The following KIF2A variants were observed in gnomAD, a reference collection of about 807,000 sequenced individuals.
KIF2A encodes kinesin family member 2A.
In KIF2A, 22 loss-of-function variants were observed where a neutral mutation model predicts 100.2. The ratio of observed to expected loss-of-function variants is 0.22; its 90% CI spans 0.16 to 0.31. The LOEUF is 0.31. Ranked by LOEUF, KIF2A falls within the 10% of genes least tolerant of loss-of-function variation. KIF2A has a pLI of 1.00. For synonymous variants in KIF2A, 268 were observed against 285.9 expected (o/e 0.94, Z 0.63); for missense variants, 495 against 898.7 (o/e 0.55, Z 5.74).
chr5:62,372,311 A>G (rs1580092298), intron 16 of KIF2A, 127 bp from the exon 17 acceptor site: 7 of 645,278 alleles, frequency 1.1e-5, no homozygotes, highest in African/African-American at 1.9e-5. Context: ...AATATTCTAA[A>G]TACATTGTCA....
At position 62,387,918 on chromosome 5, in the gene KIF2A, C is replaced by T. The variant is rs1742114340; in HGVS notation, c.*2349C>T. ...CTTTGTTAAATTAATTGGAAACACT[C>T]TTCTATTAAGTTAGGTATTAAAAAA... On this transcript the variant is annotated 3_prime_UTR_variant, in exon 21 of 21. Transcript: ENST00000407818. 1 of 151,914 alleles carries T rather than the reference C, an allele frequency of 6.6e-6. No individual in the cohort carries two copies. Among genetic ancestry groups the T allele is most frequent in the Non-Finnish European group, 1.5e-5 (1 of 67,964 alleles). The allele number at this position is 151,914 out of a possible 1,614,324, so 9.4% of individuals were successfully genotyped here.
Position 62,318,436 on chromosome 5 carries a change from TTG to T in KIF2A, c.64+11906_64+11907del, listed in dbSNP as rs1321286701. ...AAATTATTTTGGGATTATATATGGGTTGTGTGTTTATTTTTTAAATTATAGCT... is the reference window on the plus strand; with the variant it reads ...AAATTATTTTGGGATTATATATGGGTTGTGTTTATTTTTTAAATTATAGCT... On this transcript the variant is annotated intron_variant, in intron 1 of 20. Transcript: ENST00000407818. 9.9e-5 allele frequency among the ~76,000 whole-genome samples: 15 copies of T among 152,268 alleles called. No individual in the cohort carries two copies. In the South Asian group the frequency reaches 3.1e-3, roughly 32 times the overall value.
intron 19 of KIF2A, 42 bp downstream of exon 19, chr5:62,377,804 TA>T (rs1242835724): frequency 9.2e-7 from 1 of 1,082,410 alleles, no homozygotes; most frequent in East Asian, 2.6e-5. Flanking sequence ...TTTCTTGAGA[TA>T]AATTAAGAAT....
intron 1 of KIF2A, among the ~76,000 whole-genome samples, chr5:62,329,438 A>C (rs1235677468): frequency 6.6e-6 from 1 of 152,238 alleles, no homozygotes; most frequent in African/African-American, 2.4e-5. Flanking sequence ...CACAACCTGA[A>C]TATCAGAATT....
intron 1 of KIF2A, among the ~76,000 whole-genome samples, chr5:62,316,827 A>G (rs1283137325): frequency 6.6e-6 from 1 of 152,174 alleles, no homozygotes. Context: ...AGAGGATGCA[A>G]ACTTTAGGTG....
rs369005798 is a variant in KIF2A, at chr5:62,360,281, C to T, written c.873-961C>T. On this transcript the variant is annotated intron_variant, in intron 9 of 20. Transcript: ENST00000407818. ...TTGGGATTACAGGCATGAGCCACCACGCCTGGCCTCCATCATACTTTTTAG... is the reference window on the plus strand; with the variant it reads ...TTGGGATTACAGGCATGAGCCACCATGCCTGGCCTCCATCATACTTTTTAG... Among the ~76,000 whole-genome samples the T allele has an allele frequency of 1.4e-3, 209 of 152,236 alleles. 1 individual carries two copies. Among genetic ancestry groups the T allele is most frequent in the African/African-American group, 4.8e-3 (200 of 41,570 alleles).
chr5:62,330,622 T>C (rs935469678), intron 1 of KIF2A, among the ~76,000 whole-genome samples: 2 of 152,222 alleles, frequency 1.3e-5, no homozygotes, highest in African/African-American at 4.8e-5. Context: ...ATTTCTTTGT[T>C]CTTCTGAGAA....
chr5:62,355,099 A>G, intron 6 of KIF2A, 60 bp from the exon 7 acceptor site: 1 of 798,660 alleles, frequency 1.3e-6, no homozygotes, highest in Non-Finnish European at 2.0e-6. Flanking sequence ...CAAACCAAAT[A>G]TAAATGTAAC....
intron 1 of KIF2A, among the ~76,000 whole-genome samples, chr5:62,316,636 C>A (rs1745830313): frequency 6.6e-6 from 1 of 152,168 alleles, no homozygotes; most frequent in Non-Finnish European, 1.5e-5. Context: ...CAAGAGTCAA[C>A]CCTAATGTAA....
At chr5:62,353,681 A>G (rs1747963858) in intron 6 of KIF2A, among the ~76,000 whole-genome samples, 1 of 152,170 alleles carries the variant, frequency 6.6e-6, no homozygotes, top group South Asian at 2.1e-4. Flanking sequence ...TTTTTATTTT[A>G]AAAAGACCTA....
chr5:62,366,358 A>G, intron 15 of KIF2A, 56 bp from the exon 16 acceptor site: 3 of 1,077,054 alleles, frequency 2.8e-6, no homozygotes, highest in Non-Finnish European at 2.8e-6. Flanking sequence ...TGTCAGTATT[A>G]TTGTCTTGAT....
chr5:62,338,160 C>T (rs1747075635), intron 1 of KIF2A, among the ~76,000 whole-genome samples: 1 of 152,080 alleles, frequency 6.6e-6, no homozygotes, highest in Non-Finnish European at 1.5e-5. Flanking sequence ...TGAACTATGA[C>T]ACAGGTAGTA....
chr5:62,331,618 T>C (rs946677687), intron 1 of KIF2A, among the ~76,000 whole-genome samples: 2 of 152,114 alleles, frequency 1.3e-5, no homozygotes, highest in Non-Finnish European at 2.9e-5. Context: ...ATAAAGGTCT[T>C]AATGTCTTAA....
intron 14 of KIF2A, among the ~76,000 whole-genome samples, chr5:62,364,225 G>A (rs1382701378): frequency 6.6e-6 from 1 of 150,754 alleles, no homozygotes; most frequent in East Asian, 2.0e-4. Flanking sequence ...TCGGCTCACC[G>A]CAACCTCCAC....
intron 1 of KIF2A, among the ~76,000 whole-genome samples, chr5:62,313,122 TC>T (rs1745635625): frequency 6.6e-6 from 1 of 152,220 alleles, no homozygotes; most frequent in Non-Finnish European, 1.5e-5. Context: ...CAAAAATAGT[TC>T]CTGCCCTCAC....
chr5:62,355,320 T>G (rs1317688475), intron 7 of KIF2A, 66 bp downstream of exon 7: 2 of 813,310 alleles, frequency 2.5e-6, no homozygotes, highest in Admixed American at 2.0e-5. Context: ...TGTTTGACAC[T>G]TGCTAAATTC....
intron 1 of KIF2A, among the ~76,000 whole-genome samples, chr5:62,314,981 T>C (rs998148383): frequency 6.6e-6 from 1 of 151,926 alleles, no homozygotes; most frequent in African/African-American, 2.4e-5. Flanking sequence ...CAGGCTGGTC[T>C]TAAACTCCTG....
chr5:62,350,263 T>C, intron 4 of KIF2A, 143 bp downstream of exon 4: 1 of 589,952 alleles, frequency 1.7e-6, no homozygotes, highest in Non-Finnish European at 3.0e-6. Context: ...CTTTTTTGTT[T>C]TGTTTTGTTT....
Position 62,390,944 on chromosome 5 carries a change from C to T in KIF2A, c.*5375C>T, listed in dbSNP as rs994190323. 1.2e-6 allele frequency: 2 copies of T among 1,612,844 alleles called. No individual in the cohort carries two copies. Among genetic ancestry groups the T allele is most frequent in the East Asian group, 4.5e-5 (2 of 44,870 alleles). On this transcript the variant is annotated 3_prime_UTR_variant, in exon 21 of 21. Transcript: ENST00000407818. ...TAAAACCTGTGCTGGTTAGGATTTGCTGTATTTTATCTGCTATGCTGAAAT... is the reference window on the plus strand; with the variant it reads ...TAAAACCTGTGCTGGTTAGGATTTGTTGTATTTTATCTGCTATGCTGAAAT...
Sources: allele counts gnomAD v4.1 joint callset (sites outside exome capture counted in the v4.1 genomes callset), GRCh38; gene constraint gnomAD v4.1.1; transcripts MANE v1.5; gene names NCBI Gene and HGNC (gene_info 2026-07-23, HGNC 2026-07-21).